MEGF6: variants seen among roughly 807,000 people sequenced by gnomAD.
The protein encoded by MEGF6 is multiple epidermal growth factor-like domains protein 6.
Under a neutral mutation model 207.1 loss-of-function variants are expected in MEGF6, and 184 were observed. That is an observed-to-expected ratio of 0.89 (90% CI 0.79 to 1.00). The LOEUF (loss-of-function observed/expected upper bound fraction) is 1.00, where lower values mean the gene tolerates loss of function less well. Among genes scored for constraint, MEGF6 ranks in the 50% least tolerant of loss-of-function variants. The pLI is 0.00. For synonymous variants in MEGF6, 1,038 were observed against 910.0 expected, an observed-to-expected ratio of 1.14 and a Z score of -2.53; for missense variants, 2,282 against 2,202.9, an observed-to-expected ratio of 1.04 and a Z score of -0.72.
intron 2 of MEGF6, among the ~76,000 whole-genome samples, chr1:3,601,624 C>G (rs1644160703): frequency 6.6e-6 from 1 of 152,208 alleles, no homozygotes; most frequent in South Asian, 2.1e-4. Context: ...GTCACCAAAC[C>G]TGACTCCACA....
intron 5 of MEGF6, among the ~76,000 whole-genome samples, chr1:3,521,455 G>A (rs1285630787): frequency 3.1e-4 from 47 of 152,176 alleles, no homozygotes; most frequent in Admixed American, 3.1e-3. Context: ...ACCCCCCACA[G>A]GGCAGCCCTT....
At chr1:3,548,459 T>C (rs901066439) in intron 4 of MEGF6, among the ~76,000 whole-genome samples, 1 of 152,146 alleles carries the variant, frequency 6.6e-6, no homozygotes, top group African/African-American at 2.4e-5. Context: ...TGGTGGGAAT[T>C]TTTTGGGAAT....
chr1:3,488,300 C>T lies in MEGF6; in HGVS notation c.*2228G>A, dbSNP rs1454852403. On this transcript the variant is annotated 3_prime_UTR_variant, in exon 37 of 37. Coordinates refer to ENST00000356575, the MANE Select transcript of MEGF6 (RefSeq NM_001409.4). ...CCGGATGGGCAGAAGCTCGGCCTGC[C>T]TTATGGCTTCCGTAGCTGAACACTG... 2.6e-5 allele frequency among the ~76,000 whole-genome samples: 4 copies of T among 152,202 alleles called. No homozygotes were observed. The highest frequency in any genetic ancestry group is 7.2e-5 in the African/African-American group (3 of 41,444).
chr1:3,500,433 A>C (rs1323800725), intron 21 of MEGF6, among the ~76,000 whole-genome samples, 200 bp downstream of exon 21: 1 of 152,236 alleles, frequency 6.6e-6, no homozygotes, highest in African/African-American at 2.4e-5. Context: ...AAGCCAGGCC[A>C]GGGCCCAGCC....
At chr1:3,618,279 C>G in the MEGF6 span, among the ~76,000 whole-genome samples, 5 of 152,180 alleles carry the variant, frequency 3.3e-5, no homozygotes, top group African/African-American at 1.2e-4. This position sits in a 1 kb window ranked among gnomAD's most constrained non-coding sequence, Gnocchi z 4.7. Context: ...CAGTCCCCAG[C>G]AACATTCTGT....
In MEGF6 at chr1:3,586,443, C is replaced by T. The variant is rs540930016; in HGVS notation, c.377-6514G>A. The stretch of plus-strand genomic sequence containing the variant: ...TGCATGAGTGAGCTCGTCTGGTGGG[C>T]GGCGGGTGCAGATGCAAACGTGTGC... On this transcript the variant is annotated intron_variant, in intron 3 of 36. Coordinates refer to ENST00000356575, the MANE Select transcript of MEGF6 (RefSeq NM_001409.4). Among the ~76,000 whole-genome samples, 20 of 152,214 alleles carry T rather than the reference C, an allele frequency of 1.3e-4. No individual in the cohort carries two copies. In the East Asian group the frequency reaches 1.5e-3, roughly 12 times the overall value.
At chr1:3,547,859 C>T (rs894367727) in intron 4 of MEGF6, among the ~76,000 whole-genome samples, 1 of 152,204 alleles carries the variant, frequency 6.6e-6, no homozygotes, top group African/African-American at 2.4e-5. Flanking sequence ...GAGGCAGCGT[C>T]ACTGCCTCCC....
chr1:3,596,882 C>T (rs1175031352), intron 2 of MEGF6, among the ~76,000 whole-genome samples: 1 of 152,094 alleles, frequency 6.6e-6, no homozygotes, highest in Non-Finnish European at 1.5e-5. Context: ...GTGGGGGCAC[C>T]CCAGCCCACA....
intron 30 of MEGF6, 31 bp from the exon 31 acceptor site, chr1:3,494,772 C>T (rs764395842): frequency 2.6e-6 from 4 of 1,531,814 alleles, no homozygotes; most frequent in Non-Finnish European, 2.6e-6. Context: ...CTGCCTGGAG[C>T]TCTGGCCGAG....
chr1:3,593,632 G>T (rs1419570084), intron 3 of MEGF6, among the ~76,000 whole-genome samples: 2 of 150,122 alleles, frequency 1.3e-5, no homozygotes, highest in African/African-American at 4.9e-5. Context: ...CCCATTATTA[G>T]AATCCCCTTT....
chr1:3,611,165 C>A lies in MEGF6; in HGVS notation c.104G>T (p.Arg35Leu), dbSNP rs1359813035. 6.5e-7 allele frequency: 1 copy of A among 1,536,074 alleles called. No individual in the cohort carries two copies. Among genetic ancestry groups the A allele is most frequent in the Non-Finnish European group, 8.7e-7 (1 of 1,150,986 alleles). ...AVPVGASVPP[R>L]PLLPLQPGMP... is the part of the protein sequence containing the mutation. Reference sequence around the variant, plus strand: ...GCCGGGCTGCAGCGGGAGCAGGGGCCGCGGCGGAACGCTGGCGCCCACGGG... The same window carrying A: ...GCCGGGCTGCAGCGGGAGCAGGGGCAGCGGCGGAACGCTGGCGCCCACGGG... The change falls in exon 1 of 37, where the codon CGG becomes CTG. Residue 35 changes from arginine to leucine, a missense_variant. Coordinates refer to ENST00000356575, the MANE Select transcript of MEGF6 (RefSeq NM_001409.4).
chr1:3,510,038 A>T (rs1271673512), intron 10 of MEGF6, 46 bp from the exon 11 acceptor site: 1 of 1,556,318 alleles, frequency 6.4e-7, no homozygotes. Context: ...CCAGGTGGGG[A>T]ACCAGGAAGG....
At chr1:3,593,090 T>C (rs1644005197) in intron 3 of MEGF6, among the ~76,000 whole-genome samples, 1 of 152,068 alleles carries the variant, frequency 6.6e-6, no homozygotes, top group South Asian at 2.1e-4. Context: ...GATGGCGGCC[T>C]AGTGCCTGGC....
At chr1:3,596,248 G>A (rs951207288) in intron 2 of MEGF6, among the ~76,000 whole-genome samples, 3 of 152,000 alleles carry the variant, frequency 2.0e-5, no homozygotes, top group African/African-American at 7.3e-5. Context: ...AGCAGAAAAT[G>A]GTAAGGCCCC....
intron 30 of MEGF6, among the ~76,000 whole-genome samples, chr1:3,495,353 G>A (rs1640556182): frequency 6.6e-6 from 1 of 152,194 alleles, no homozygotes; most frequent in Non-Finnish European, 1.5e-5. Context: ...GACTAAGGGT[G>A]GGACCAGGCC....
At chr1:3,506,936 G>T (rs958709097) in intron 14 of MEGF6, among the ~76,000 whole-genome samples, 1 of 152,266 alleles carries the variant, frequency 6.6e-6, no homozygotes, top group Non-Finnish European at 1.5e-5. Flanking sequence ...AGAAGGGGAG[G>T]TGACCCCTCA....
At chr1:3,617,813 C>T in the MEGF6 span, among the ~76,000 whole-genome samples, 10 of 152,266 alleles carry the variant, frequency 6.6e-5, no homozygotes, top group East Asian at 1.9e-3. Context: ...ACAGGGAGAG[C>T]GCAGCGTGGA....
chr1:3,575,620 G>A lies in MEGF6; in HGVS notation c.481+4205C>T, dbSNP rs189249537. Reference sequence around the variant, plus strand: ...TCACAATCATGGCAGAAGGCAAGGAGGAGCAAGTCACATCTTACATGGATG... The same window carrying A: ...TCACAATCATGGCAGAAGGCAAGGAAGAGCAAGTCACATCTTACATGGATG... On this transcript the variant is annotated intron_variant, in intron 4 of 36. Transcript: ENST00000356575. Among the ~76,000 whole-genome samples the A allele has an allele frequency of 3.3e-3, 341 of 103,304 alleles. 2 individuals carry two copies. Among genetic ancestry groups the A allele is most frequent in the Middle Eastern group, 4.8e-3 (1 of 210 alleles). 67.8% of individuals were successfully genotyped at this position (103,304 alleles called of 152,430 possible). A position where few individuals can be genotyped will look rare whatever the true frequency, so the allele number is the denominator to read the frequency against.
chr1:3,519,928 C>G (rs1319107705), intron 5 of MEGF6, among the ~76,000 whole-genome samples: 1 of 152,154 alleles, frequency 6.6e-6, no homozygotes, highest in East Asian at 1.9e-4. Context: ...GGGAGGCCAC[C>G]CCCAGCCGTG....
Sources: allele counts gnomAD v4.1 joint callset (sites outside exome capture counted in the v4.1 genomes callset), GRCh38; gene constraint gnomAD v4.1.1; non-coding constraint Gnocchi (gnomAD v3.1); transcripts MANE v1.5; gene names NCBI Gene and HGNC (gene_info 2026-07-23, HGNC 2026-07-21).